The following PDE1A variants were observed in gnomAD, a reference collection of about 807,000 sequenced individuals.
PDE1A encodes dual specificity calcium/calmodulin-dependent 3',5'-cyclic nucleotide phosphodiesterase 1A.
Under a neutral mutation model 61.7 loss-of-function variants are expected in PDE1A, and 35 were observed. That is an observed-to-expected ratio of 0.57 (90% CI 0.43 to 0.75). The LOEUF is 0.75. Among genes scored for constraint, PDE1A ranks in the 30% least tolerant of loss-of-function variants. The pLI, the probability that PDE1A is intolerant of heterozygous loss-of-function variation, is 0.00. For synonymous variants in PDE1A, 232 were observed against 213.2 expected (o/e 1.09, Z -0.77); for missense variants, 597 against 630.6 (o/e 0.95, Z 0.57).
At chr2:182,589,942 C>T in the PDE1A span, among the ~76,000 whole-genome samples, 711 of 152,228 alleles carry the variant, frequency 4.7e-3, 4 homozygotes, top group African/African-American at 0.016. Flanking sequence ...ATCCTAACCA[C>T]GCTATTAGCT....
At chr2:182,161,659 C>T (rs764190639) in intron 13 of PDE1A, among the ~76,000 whole-genome samples, 4 of 152,028 alleles carry the variant, frequency 2.6e-5, no homozygotes, top group Non-Finnish European at 5.9e-5. Context: ...GACTGAAATC[C>T]CAGAGGGGAG....
chr2:182,498,189 G>C (rs918046262), intron 2 of PDE1A, among the ~76,000 whole-genome samples: 17 of 151,982 alleles, frequency 1.1e-4, no homozygotes, highest in African/African-American at 3.9e-4. Flanking sequence ...CCAAACCTCT[G>C]AGGAAAGCCT....
At chr2:182,365,007 T>C (rs1040175463) in intron 1 of PDE1A, among the ~76,000 whole-genome samples, 4 of 152,046 alleles carry the variant, frequency 2.6e-5, no homozygotes, top group Non-Finnish European at 4.4e-5. Flanking sequence ...CAGCATCTGA[T>C]TGAGGACTGC....
chr2:182,185,660 C>T (rs1034535623), intron 13 of PDE1A: 110 of 633,986 alleles, frequency 1.7e-4, no homozygotes, highest in Non-Finnish European at 2.7e-4. Flanking sequence ...AGTTTGCCAG[C>T]ACCCACTGAC....
At chr2:182,656,668 T>A in the PDE1A span, among the ~76,000 whole-genome samples, 1 of 152,238 alleles carries the variant, frequency 6.6e-6, no homozygotes, top group African/African-American at 2.4e-5. Flanking sequence ...TTTGCAGAAA[T>A]TCAAATAATC....
intron 2 of PDE1A, among the ~76,000 whole-genome samples, chr2:182,257,747 A>G (rs1469282282): frequency 6.6e-6 from 1 of 152,226 alleles, no homozygotes; most frequent in African/African-American, 2.4e-5. Context: ...TGAACTCAGG[A>G]CAGCAAGACA....
At chr2:182,336,430 A>G (rs1177145378) in intron 1 of PDE1A, among the ~76,000 whole-genome samples, 3 of 152,202 alleles carry the variant, frequency 2.0e-5, no homozygotes, top group Non-Finnish European at 4.4e-5. Context: ...ATGGAATACT[A>G]TGCAGCCATA....
the PDE1A span, among the ~76,000 whole-genome samples, chr2:182,699,611 T>G: frequency 1.3e-5 from 2 of 152,162 alleles, no homozygotes; most frequent in East Asian, 3.8e-4. Flanking sequence ...GTATGTAGAA[T>G]TTTAGATGAC....
At chr2:182,492,526 T>C (rs1688454928) in intron 2 of PDE1A, among the ~76,000 whole-genome samples, 1 of 152,162 alleles carries the variant, frequency 6.6e-6, no homozygotes, top group Admixed American at 6.5e-5. Flanking sequence ...TCTATCAAAC[T>C]TTCTGAAATT....
intron 10 of PDE1A, among the ~76,000 whole-genome samples, chr2:182,192,255 A>T (rs1030123126): frequency 2.0e-5 from 3 of 152,170 alleles, no homozygotes; most frequent in Non-Finnish European, 2.9e-5. Flanking sequence ...CTTCCTACAG[A>T]TGGAGCAAGA....
chr2:182,564,016 A>G, the PDE1A span, among the ~76,000 whole-genome samples: 1 of 152,126 alleles, frequency 6.6e-6, no homozygotes, highest in Admixed American at 6.6e-5. Flanking sequence ...CCAATTTGCC[A>G]GTCTGTGTCT....
chr2:182,454,254 C>T (rs1380733537), intron 2 of PDE1A, among the ~76,000 whole-genome samples: 2 of 152,010 alleles, frequency 1.3e-5, no homozygotes. Context: ...AACCACTGCT[C>T]AAGGAAATAA....
intron 1 of PDE1A, among the ~76,000 whole-genome samples, chr2:182,320,892 T>C (rs1696652887): frequency 6.6e-6 from 1 of 152,196 alleles, no homozygotes; most frequent in Non-Finnish European, 1.5e-5. Flanking sequence ...ATTCCACATG[T>C]AAGCTATTAT....
the PDE1A span, among the ~76,000 whole-genome samples, chr2:182,689,634 C>A: frequency 6.6e-6 from 1 of 152,082 alleles, no homozygotes; most frequent in African/African-American, 2.4e-5. Flanking sequence ...GAAGCAAGAG[C>A]AAACACATTC....
At chr2:182,447,157 T>A (rs1317199116) in intron 2 of PDE1A, among the ~76,000 whole-genome samples, 1 of 151,496 alleles carries the variant, frequency 6.6e-6, no homozygotes, top group Admixed American at 6.6e-5. Context: ...ACATACTCTA[T>A]TCATATTTTA....
chr2:182,254,215 T>C (rs545505980), intron 2 of PDE1A, among the ~76,000 whole-genome samples: 32 of 152,214 alleles, frequency 2.1e-4, no homozygotes, highest in Non-Finnish European at 2.9e-4. Context: ...ACACCACAGA[T>C]GGACAGAAAA....
chr2:182,462,926 T>C (rs541356832), intron 2 of PDE1A, among the ~76,000 whole-genome samples: 4 of 152,314 alleles, frequency 2.6e-5, no homozygotes, highest in African/African-American at 7.2e-5. Context: ...TTTTCTGCAT[T>C]GTATTAATAA....
chr2:182,280,659 A>G (rs990210986), intron 1 of PDE1A, among the ~76,000 whole-genome samples: 1 of 151,932 alleles, frequency 6.6e-6, no homozygotes, highest in Non-Finnish European at 1.5e-5. Context: ...CCTTCTGTTT[A>G]CATTTTTCAA....
intron 1 of PDE1A, among the ~76,000 whole-genome samples, chr2:182,280,207 C>T (rs527737446): frequency 6.6e-5 from 10 of 151,762 alleles, no homozygotes; most frequent in African/African-American, 2.4e-4. Flanking sequence ...AATGTCTATC[C>T]AAATTTTCCC....
Sources: gnomAD v4.1 joint callset for allele counts (sites outside exome capture counted in the v4.1 genomes callset) on GRCh38, gnomAD v4.1.1 for gene constraint, MANE v1.5 for transcripts, NCBI Gene and HGNC (gene_info 2026-07-23, HGNC 2026-07-21) for gene names.